TRUB1: variants seen among roughly 807,000 people sequenced by gnomAD.
The protein encoded by TRUB1 is pseudouridylate synthase TRUB1.
TRUB1 carries 23 observed loss-of-function variants against 33.9 expected under a neutral mutation model. The observed-to-expected ratio is 0.68, with a 90% CI of 0.49 to 0.96. The LOEUF is 0.96. Ranked by LOEUF, TRUB1 falls within the 40% of genes least tolerant of loss-of-function variation. TRUB1 has a pLI of 0.00. For missense variants in TRUB1, 378 were observed against 422.2 expected, an observed-to-expected ratio of 0.90 and a Z score of 0.92; for synonymous variants, 163 against 165.4, an observed-to-expected ratio of 0.99 and a Z score of 0.11.
chr10:114,964,608 C>T (rs1049502448), intron 4 of TRUB1, among the ~76,000 whole-genome samples: 3 of 152,182 alleles, frequency 2.0e-5, no homozygotes, highest in Admixed American at 1.3e-4. Flanking sequence ...TTTTTTGACT[C>T]TAAAAGTGTG....
intron 4 of TRUB1, among the ~76,000 whole-genome samples, chr10:114,963,848 A>C (rs761547815): frequency 6.6e-6 from 1 of 152,148 alleles, no homozygotes; most frequent in African/African-American, 2.4e-5. Context: ...TACTACACAC[A>C]TACTCTCCCA....
chr10:114,969,689 T>TTG (rs2084326649), intron 4 of TRUB1: 1 of 148,786 alleles, frequency 6.7e-6, no homozygotes, highest in South Asian at 2.1e-4. Flanking sequence ...TTATGTGTGT[T>TTG]TTTTTTTTTT....
intron 2 of TRUB1, among the ~76,000 whole-genome samples, chr10:114,950,388 C>G (rs922700707): frequency 2.0e-5 from 3 of 152,226 alleles, no homozygotes; most frequent in Admixed American, 2.0e-4. Flanking sequence ...TTCTTATGCA[C>G]AGTTATATCT....
At chr10:114,956,173 A>G (rs562654638) in intron 3 of TRUB1, among the ~76,000 whole-genome samples, 1 of 152,326 alleles carries the variant, frequency 6.6e-6, no homozygotes, top group East Asian at 1.9e-4. Flanking sequence ...AGAGAGTAGA[A>G]TAATACCAGT....
At chr10:114,962,985 A>G (rs1231185483) in intron 4 of TRUB1, among the ~76,000 whole-genome samples, 5 of 152,144 alleles carry the variant, frequency 3.3e-5, no homozygotes, top group Admixed American at 2.0e-4. Context: ...GTCTGCTACT[A>G]TTGCCAGTGT....
intron 4 of TRUB1, among the ~76,000 whole-genome samples, chr10:114,967,759 TATGTC>T (rs1301997232): frequency 3.3e-5 from 5 of 152,326 alleles, no homozygotes; most frequent in African/African-American, 1.2e-4. Context: ...TCTTTATACT[TATGTC>T]ATAAGAACGA....
chr10:114,949,816 G>A (rs920612378), intron 2 of TRUB1, among the ~76,000 whole-genome samples: 1 of 151,818 alleles, frequency 6.6e-6, no homozygotes, highest in Non-Finnish European at 1.5e-5. Context: ...GGTACTGGTT[G>A]TGAGATGCTG....
At chr10:114,952,303 T>C (rs1353210562) in intron 3 of TRUB1, among the ~76,000 whole-genome samples, 1 of 152,184 alleles carries the variant, frequency 6.6e-6, no homozygotes, top group Non-Finnish European at 1.5e-5. Context: ...TATCCAGGCG[T>C]GGTGCTATAC....
At chr10:114,943,126 T>C (rs1028943031) in intron 2 of TRUB1, among the ~76,000 whole-genome samples, 10 of 152,248 alleles carry the variant, frequency 6.6e-5, no homozygotes, top group Non-Finnish European at 1.5e-4. Flanking sequence ...GCTGGTTGGC[T>C]GTGCCTCAGA....
intron 3 of TRUB1, among the ~76,000 whole-genome samples, chr10:114,955,543 G>A (rs1482600619): frequency 6.6e-6 from 1 of 152,154 alleles, no homozygotes; most frequent in Admixed American, 6.5e-5. Flanking sequence ...CTCCTCAGAA[G>A]GCAACTTTGT....
intron 2 of TRUB1, among the ~76,000 whole-genome samples, chr10:114,944,215 C>A (rs911198429): frequency 6.6e-6 from 1 of 151,882 alleles, no homozygotes; most frequent in Admixed American, 6.6e-5. Flanking sequence ...TTTTTACATG[C>A]TCTGGTATTT....
chr10:114,972,118 TTC>T lies in TRUB1; in HGVS notation c.597-12_597-11del. ...TGCTCTCCTTTCCTTCCATTTCTCC[TTC>T]TCTCATCTCACAAGCTATTCTGCAT... On this transcript the variant is annotated splice_polypyrimidine_tract_variant and intron_variant, in intron 5 of 7. Coordinates refer to ENST00000298746, the MANE Select transcript of TRUB1 (RefSeq NM_139169.5). 4 of 1,611,594 alleles carry T rather than the reference TTC, an allele frequency of 2.5e-6. No homozygotes were observed. Among genetic ancestry groups the T allele is most frequent in the Non-Finnish European group, 3.4e-6 (4 of 1,179,242 alleles).
rs111560966 is a variant in TRUB1, at chr10:114,954,588, G to A, written c.441+3439G>A. Among the ~76,000 whole-genome samples the A allele has an allele frequency of 4.3e-3, 648 of 151,950 alleles. 4 individuals carry two copies. Among genetic ancestry groups the A allele is most frequent in the African/African-American group, 0.015 (605 of 41,444 alleles). On this transcript the variant is annotated intron_variant, in intron 3 of 7. Transcript: ENST00000298746. ...GAGCCACTGCTCTGTGTTCCTCATTGTCTTCCTCTCCTGCCTTGGAGTGAG... is the reference window on the plus strand; with the variant it reads ...GAGCCACTGCTCTGTGTTCCTCATTATCTTCCTCTCCTGCCTTGGAGTGAG...
At chr10:114,944,425 T>A (rs1251311142) in intron 2 of TRUB1, among the ~76,000 whole-genome samples, 1 of 152,160 alleles carries the variant, frequency 6.6e-6, no homozygotes, top group Non-Finnish European at 1.5e-5. Flanking sequence ...AATAATATTT[T>A]TACTTGAGGT....
chr10:114,951,546 G>T (rs554412947), intron 3 of TRUB1, among the ~76,000 whole-genome samples: 1 of 152,070 alleles, frequency 6.6e-6, no homozygotes, highest in Non-Finnish European at 1.5e-5. Flanking sequence ...TTTGTTCAAT[G>T]GTTATAAATG....
At chr10:114,941,091 C>G (rs1030691769) in intron 1 of TRUB1, among the ~76,000 whole-genome samples, 1 of 152,072 alleles carries the variant, frequency 6.6e-6, no homozygotes, top group African/African-American at 2.4e-5. Context: ...CCACTCGTTT[C>G]GTTTTCTTTG....
rs1162061870 is a variant in TRUB1 at position 114,938,483 on chromosome 10, C to T, written c.230C>T (p.Pro77Leu). 11 of 1,583,952 alleles carry T rather than the reference C, an allele frequency of 6.9e-6. No individual in the cohort carries two copies. The highest frequency in any genetic ancestry group is 9.4e-6 in the Non-Finnish European group (11 of 1,167,838). ...AGCGGCGTGTTCGCCGTGCACAAGC[C>T]CAAAGGGCCCACTTCAGCCGAGCTG... ...SLSGVFAVHK[P>L]KGPTSAELLN... The change falls in exon 1 of 8, where the codon CCC (proline) becomes CTC (leucine). Residue 77 changes from proline (P) to leucine (L), a missense_variant. By Grantham distance (98) the Pro-to-Leu change is moderately conservative. Transcript: ENST00000298746.
At position 114,941,139 on chromosome 10, in the gene TRUB1, G is replaced by A. The variant is rs61868050; in HGVS notation, c.287-1506G>A. On this transcript the variant is annotated intron_variant, in intron 1 of 7. Transcript: ENST00000298746. The stretch of plus-strand genomic sequence containing the variant: ...TCTGCTCAGTGTCAGTGTTGATAAG[G>A]AAGGTTTGATGGGCTTGGGGGCAGG... Among the ~76,000 whole-genome samples, 1,014 of 152,208 alleles carry A rather than the reference G, an allele frequency of 6.7e-3. 6 individuals carry two copies. The highest frequency in any genetic ancestry group is 0.011 in the Non-Finnish European group (731 of 68,010).
At chr10:114,939,104 C>A (rs2084173315) in intron 1 of TRUB1, among the ~76,000 whole-genome samples, 1 of 152,170 alleles carries the variant, frequency 6.6e-6, no homozygotes. Context: ...ATAGTTGCTC[C>A]AGGTGATTCC....
Sources: gnomAD v4.1 joint callset for allele counts (sites outside exome capture counted in the v4.1 genomes callset) on GRCh38, gnomAD v4.1.1 for gene constraint, MANE v1.5 for transcripts, NCBI Gene and HGNC (gene_info 2026-07-23, HGNC 2026-07-21) for gene names.